WWOX: variants seen among roughly 807,000 people sequenced by gnomAD.
WWOX encodes WW domain-containing oxidoreductase.
WWOX carries 69 observed loss-of-function variants against 46.2 expected under a neutral mutation model. That is an observed-to-expected ratio of 1.49 (90% CI 1.23 to 1.82). The LOEUF (loss-of-function observed/expected upper bound fraction) is 1.82, where lower values mean the gene tolerates loss of function less well. Among genes scored for constraint, WWOX ranks in the 40% most tolerant of loss-of-function variants. WWOX has a pLI of 0.00. For synonymous variants in WWOX, 359 were observed against 202.6 expected (o/e 1.77, Z -6.56); for missense variants, 919 against 542.6 (o/e 1.69, Z -6.89).
chr16:79,087,762 CTCTTT>C (rs1567541058), intron 8 of WWOX, among the ~76,000 whole-genome samples: 1 of 152,204 alleles, frequency 6.6e-6, no homozygotes, highest in African/African-American at 2.4e-5. Context: ...CATTTCTCTG[CTCTTT>C]TAGTTTAGTA....
chr16:78,468,841 A>G (rs1458686639), intron 8 of WWOX, among the ~76,000 whole-genome samples: 5 of 152,214 alleles, frequency 3.3e-5, no homozygotes, highest in Non-Finnish European at 7.3e-5. Context: ...ATTATATTAC[A>G]CCACATCTTC....
intron 8 of WWOX, chr16:78,896,395 C>G (rs558374166): frequency 1.3e-5 from 2 of 152,154 alleles, no homozygotes; most frequent in East Asian, 1.9e-4. Context: ...AATAACAAAA[C>G]CTGGGGCCCT....
At chr16:78,135,715 C>CA (rs1177371184) in intron 4 of WWOX, among the ~76,000 whole-genome samples, 16 of 150,624 alleles carry the variant, frequency 1.1e-4, no homozygotes, top group South Asian at 1.0e-3. Context: ...CAACAAACAA[C>CA]AAAAAAAACA....
At chr16:78,854,936 A>C (rs111407204) in intron 8 of WWOX, among the ~76,000 whole-genome samples, 1 of 151,676 alleles carries the variant, frequency 6.6e-6, no homozygotes, top group Admixed American at 6.6e-5. Context: ...CAAAACTTTA[A>C]AATGGGTTAT....
chr16:78,220,319 C>T (rs1292879754), intron 5 of WWOX, among the ~76,000 whole-genome samples: 1 of 152,162 alleles, frequency 6.6e-6, no homozygotes, highest in African/African-American at 2.4e-5. Flanking sequence ...CTTAAATGTA[C>T]AGTTTTTATC....
chr16:78,630,182 G>T (rs1401585904), intron 8 of WWOX, among the ~76,000 whole-genome samples: 1 of 152,182 alleles, frequency 6.6e-6, no homozygotes, highest in Non-Finnish European at 1.5e-5. Flanking sequence ...CGTGATGATT[G>T]TGTATTCCTC....
intron 8 of WWOX, among the ~76,000 whole-genome samples, chr16:78,797,371 A>C (rs1273988322): frequency 2.0e-5 from 3 of 151,698 alleles, no homozygotes; most frequent in African/African-American, 7.3e-5. Flanking sequence ...AAAAAAAAAA[A>C]AAAAAAAAAG....
chr16:79,139,815 G>A (rs897297055), intron 8 of WWOX, among the ~76,000 whole-genome samples: 8 of 152,166 alleles, frequency 5.3e-5, no homozygotes, highest in South Asian at 2.1e-4. Flanking sequence ...GCACTTGCCC[G>A]AATGACTTTA....
intron 8 of WWOX, among the ~76,000 whole-genome samples, chr16:78,505,833 G>A (rs2085186447): frequency 2.6e-5 from 1 of 38,032 alleles, no homozygotes. Context: ...ATCTGATTCT[G>A]TAGAGAGAGT....
intron 5 of WWOX, among the ~76,000 whole-genome samples, chr16:78,251,088 T>C (rs2037972905): frequency 1.3e-5 from 2 of 152,164 alleles, no homozygotes; most frequent in Admixed American, 1.3e-4. Flanking sequence ...TATTGGGGTG[T>C]GTTCACCCTG....
intron 5 of WWOX, among the ~76,000 whole-genome samples, chr16:78,315,247 G>C (rs2080335543): frequency 6.6e-6 from 1 of 152,182 alleles, no homozygotes; most frequent in African/African-American, 2.4e-5. Flanking sequence ...ATCACTAGGT[G>C]AGGAGTAATA....
intron 8 of WWOX, among the ~76,000 whole-genome samples, chr16:78,921,825 T>G (rs182391219): frequency 2.0e-4 from 30 of 152,312 alleles, no homozygotes; most frequent in Middle Eastern, 3.4e-3. Context: ...TTTGAGGTGG[T>G]CCTCAAACCC....
At chr16:78,523,034 T>C (rs1231008706) in intron 8 of WWOX, among the ~76,000 whole-genome samples, 2 of 152,140 alleles carry the variant, frequency 1.3e-5, no homozygotes, top group Non-Finnish European at 2.9e-5. Flanking sequence ...ATCGTGCCAC[T>C]GCCCTCCAGT....
intron 8 of WWOX, among the ~76,000 whole-genome samples, chr16:78,910,563 A>T (rs536833247): frequency 2.0e-5 from 3 of 151,756 alleles, no homozygotes; most frequent in Non-Finnish European, 2.9e-5. Flanking sequence ...TACTACTGAG[A>T]AAGACATACC....
At chr16:79,109,164 G>T (rs2049367471) in intron 8 of WWOX, among the ~76,000 whole-genome samples, 1 of 152,052 alleles carries the variant, frequency 6.6e-6, no homozygotes, top group South Asian at 2.1e-4. Context: ...TTTCATCTCA[G>T]GCCAGTTCCA....
intron 8 of WWOX, among the ~76,000 whole-genome samples, chr16:78,712,864 C>A (rs2048473465): frequency 6.6e-6 from 1 of 152,032 alleles, no homozygotes; most frequent in Non-Finnish European, 1.5e-5. Flanking sequence ...TGTTGGCCGA[C>A]TGTGGGTTCA....
chr16:78,937,925 G>C (rs181291497), intron 8 of WWOX, among the ~76,000 whole-genome samples: 3 of 152,240 alleles, frequency 2.0e-5, no homozygotes, highest in African/African-American at 7.2e-5. Flanking sequence ...ACCATGTGTG[G>C]CTATAGAACT....
intron 8 of WWOX, among the ~76,000 whole-genome samples, chr16:79,109,256 T>G (rs1289469064): frequency 6.6e-6 from 1 of 152,202 alleles, no homozygotes; most frequent in African/African-American, 2.4e-5. Context: ...ATCTGGGCAG[T>G]GTGCACTGTG....
At position 78,463,226 on chromosome 16, in the gene WWOX, G is replaced by A. The variant is rs201023870; in HGVS notation, c.1056+30474G>A. Among the ~76,000 whole-genome samples, 4 of 152,160 alleles carry A rather than the reference G, an allele frequency of 2.6e-5. No homozygotes were observed. In the East Asian group the frequency reaches 5.8e-4, roughly 22 times the overall value. ...ACTTGAGCTTGGCATTTTTCTTAAC[G>A]CAGGGCTATTTTAGGTGCACTGCGC... is the stretch of plus-strand genomic sequence containing the variant. On this transcript the variant is annotated intron_variant, in intron 8 of 8. Coordinates refer to ENST00000566780, the MANE Select transcript of WWOX (RefSeq NM_016373.4).
Sources: gnomAD v4.1 joint callset for allele counts (sites outside exome capture counted in the v4.1 genomes callset) on GRCh38, gnomAD v4.1.1 for gene constraint, MANE v1.5 for transcripts, NCBI Gene and HGNC (gene_info 2026-07-23, HGNC 2026-07-21) for gene names.